Variants in SPINK9 observed in about 807,000 individuals in gnomAD.
SPINK9 encodes serine peptidase inhibitor Kazal type 9.
Under a neutral mutation model 10.8 loss-of-function variants are expected in SPINK9, and 3 were observed. That is an observed-to-expected ratio of 0.28 (90% CI 0.13 to 0.72). The LOEUF (loss-of-function observed/expected upper bound fraction) is 0.72. Ranked by LOEUF, SPINK9 falls within the 30% of genes least tolerant of loss-of-function variation. The pLI is 0.74. For missense variants in SPINK9, 101 were observed against 103.2 expected, an observed-to-expected ratio of 0.98 and a Z score of 0.09; for synonymous variants, 30 against 31.2, an observed-to-expected ratio of 0.96 and a Z score of 0.12.
intron 2 of SPINK9, among the ~76,000 whole-genome samples, chr5:148,330,496 T>C (rs6580544): frequency 0.4 from 60,694 of 151,966 alleles, 14,388 homozygotes; most frequent in African/African-American, 0.66. Context: ...GAGTATTTAG[T>C]CCATTTACAT....
At chr5:148,332,591 G>T (rs922850480), upstream of SPINK9, among the ~76,000 whole-genome samples, 1 of 152,186 alleles carries the variant, frequency 6.6e-6, no homozygotes, top group Admixed American at 6.5e-5. Context: ...AAGTTCACCA[G>T]GCTTTTTGAA....
intron 2 of SPINK9, among the ~76,000 whole-genome samples, chr5:148,328,233 G>C (rs1757095830): frequency 1.3e-5 from 2 of 152,150 alleles, no homozygotes; most frequent in Admixed American, 6.5e-5. Flanking sequence ...TCCCTTGTAA[G>C]TTGGATTCCT....
At chr5:148,331,642 AATG>A (rs1757153041), upstream of SPINK9, among the ~76,000 whole-genome samples, 1 of 152,230 alleles carries the variant, frequency 6.6e-6, no homozygotes, top group African/African-American at 2.4e-5. Flanking sequence ...TCTCCAAAAA[AATG>A]ATAAGTATTT....
rs1284785738 is a variant in SPINK9, at chr5:148,338,614, T to C, written c.215+9T>C. On this transcript the variant is annotated intron_variant, in intron 3 of 3. Transcript: ENST00000377906. ...TTCTGTTCTAAAGTTAAGTAAGTAT[T>C]AAAATGTTTTCTTTTTCATATTTAA... The C allele has an allele frequency of 4.5e-6, 7 of 1,550,216 alleles. No individual in the cohort carries two copies. Among genetic ancestry groups the C allele is most frequent in the Admixed American group, 3.6e-5 (2 of 55,462 alleles).
At chr5:148,330,716 C>G (rs909973667), upstream of SPINK9, among the ~76,000 whole-genome samples, 2 of 152,104 alleles carry the variant, frequency 1.3e-5, no homozygotes, top group African/African-American at 4.8e-5. Flanking sequence ...GACAAAATCT[C>G]TCAGCATTTG....
intron 2 of SPINK9, among the ~76,000 whole-genome samples, chr5:148,324,143 G>A (rs1490923075): frequency 6.6e-6 from 1 of 151,996 alleles, no homozygotes; most frequent in African/African-American, 2.4e-5. Context: ...AATACAACCA[G>A]TAATTTTTCA....
chr5:148,325,439 A>T (rs757031068), intron 2 of SPINK9, among the ~76,000 whole-genome samples: 2 of 152,036 alleles, frequency 1.3e-5, no homozygotes, highest in Non-Finnish European at 1.5e-5. Flanking sequence ...CCAACACGTC[A>T]CCTGTCTTTT....
chr5:148,321,626 T>C (rs1442833657), intron 1 of SPINK9, among the ~76,000 whole-genome samples: 1 of 152,086 alleles, frequency 6.6e-6, no homozygotes, highest in Non-Finnish European at 1.5e-5. Flanking sequence ...ATTTTCAACA[T>C]CAGTATGGTA....
chr5:148,327,532 G>C (rs1263451734), intron 2 of SPINK9, among the ~76,000 whole-genome samples: 1 of 152,122 alleles, frequency 6.6e-6, no homozygotes, highest in East Asian at 1.9e-4. Flanking sequence ...TGTCAATTTT[G>C]GCTTTTGTTG....
At chr5:148,323,687 T>C in exon 2 of SPINK9, 2 of 612,226 alleles carry the variant, frequency 3.3e-6, no homozygotes, top group South Asian at 3.8e-5. Context: ...AGGTTAGGTA[T>C]TGGAGAAGAA....
intron 2 of SPINK9, among the ~76,000 whole-genome samples, chr5:148,324,960 T>A (rs1757040840): frequency 6.6e-6 from 1 of 152,064 alleles, no homozygotes. Context: ...TCCCAACCCC[T>A]GGGAATCACT....
At chr5:148,336,603 C>G in intron 2 of SPINK9, 150 bp downstream of exon 2, 1 of 854,852 alleles carries the variant, frequency 1.2e-6, no homozygotes, top group South Asian at 1.8e-5. Context: ...GTAGGCAGAT[C>G]TTTCTAAAAT....
intron 2 of SPINK9, among the ~76,000 whole-genome samples, chr5:148,326,592 C>A (rs954917462): frequency 6.6e-6 from 1 of 152,076 alleles, no homozygotes; most frequent in Non-Finnish European, 1.5e-5. Context: ...TATACATGTG[C>A]CATGTTGGTG....
intron 2 of SPINK9, among the ~76,000 whole-genome samples, chr5:148,327,659 A>C (rs1308439255): frequency 7.3e-5 from 11 of 151,676 alleles, no homozygotes; most frequent in Non-Finnish European, 1.2e-4. Context: ...TAAGTCTTTA[A>C]TCCATCTTGA....
upstream of SPINK9, among the ~76,000 whole-genome samples, chr5:148,333,179 T>G (rs527300228): frequency 5.9e-5 from 9 of 152,314 alleles, no homozygotes; most frequent in Non-Finnish European, 1.3e-4. Flanking sequence ...GAAACCAGGC[T>G]GCCACATACC....
At chr5:148,337,711 C>T (rs938605128) in intron 2 of SPINK9, among the ~76,000 whole-genome samples, 1 of 152,056 alleles carries the variant, frequency 6.6e-6, no homozygotes, top group African/African-American at 2.4e-5. Context: ...TACTTCCACC[C>T]TACAATGTGG....
At chr5:148,330,798 G>C (rs577572481), upstream of SPINK9, among the ~76,000 whole-genome samples, 1 of 152,260 alleles carries the variant, frequency 6.6e-6, no homozygotes, top group Admixed American at 6.5e-5. Flanking sequence ...ATTCTGGGTT[G>C]AAAATTCTTT....
chr5:148,321,888 G>A (rs1262500726), intron 1 of SPINK9, among the ~76,000 whole-genome samples: 1 of 152,152 alleles, frequency 6.6e-6, no homozygotes, highest in African/African-American at 2.4e-5. Context: ...TCCTCACAAT[G>A]ACTGTATACT....
chr5:148,323,792 A>C, exon 2 of SPINK9: 1 of 701,092 alleles, frequency 1.4e-6, no homozygotes, highest in Non-Finnish European at 2.6e-6. Context: ...TTCATTATAA[A>C]ACTCCACCAA....
Sources: gnomAD v4.1 joint callset for allele counts (sites outside exome capture counted in the v4.1 genomes callset) on GRCh38, gnomAD v4.1.1 for gene constraint, MANE v1.5 for transcripts, NCBI Gene and HGNC (gene_info 2026-07-23, HGNC 2026-07-21) for gene names.